The following TFDP1 variants were observed in gnomAD, a reference collection of about 807,000 sequenced individuals.
TFDP1 encodes the protein DRTF1-polypeptide 1.
A neutral mutation model predicts 48.0 loss-of-function variants in TFDP1; 6 were observed. The observed-to-expected ratio is 0.13, with a 90% CI of 0.07 to 0.25. TFDP1 has a LOEUF of 0.25. Ranked by LOEUF, TFDP1 falls within the 10% of genes least tolerant of loss-of-function variation. The probability of loss-of-function intolerance (pLI) is 1.00; values close to 1 mark genes in which losing one functional copy is unlikely to be tolerated. For synonymous variants in TFDP1, 201 were observed against 211.6 expected, an observed-to-expected ratio of 0.95 and a Z score of 0.44; for missense variants, 335 against 543.0, an observed-to-expected ratio of 0.62 and a Z score of 3.81.
intron 4 of TFDP1, among the ~76,000 whole-genome samples, chr13:113,626,300 C>G (rs1213027304): frequency 6.6e-6 from 1 of 152,156 alleles, no homozygotes; most frequent in Non-Finnish European, 1.5e-5. Flanking sequence ...TGACCACATA[C>G]CAGGGATATT....
At chr13:113,588,783 AGT>A (rs1371213572) in intron 2 of TFDP1, among the ~76,000 whole-genome samples, 2 of 146,330 alleles carry the variant, frequency 1.4e-5, no homozygotes, top group African/African-American at 5.2e-5. Flanking sequence ...TTGGACGGAG[AGT>A]GAGTGTGGTA....
intron 2 of TFDP1, among the ~76,000 whole-genome samples, chr13:113,589,798 T>G (rs1355162939): frequency 6.6e-6 from 1 of 151,984 alleles, no homozygotes; most frequent in African/African-American, 2.4e-5. Context: ...GGCCCTTGGG[T>G]GAGGGAGTGT....
intron 10 of TFDP1, among the ~76,000 whole-genome samples, 193 bp downstream of exon 10, chr13:113,636,893 C>T (rs1230102368): frequency 7.2e-5 from 11 of 152,212 alleles, no homozygotes; most frequent in African/African-American, 2.2e-4. Flanking sequence ...CAGCCAGTGC[C>T]GTGACCCACT....
intron 2 of TFDP1, among the ~76,000 whole-genome samples, chr13:113,593,076 T>G (rs1350760036): frequency 4.0e-5 from 6 of 148,596 alleles, no homozygotes; most frequent in African/African-American, 1.5e-4. Flanking sequence ...AGGTGTGGTG[T>G]GCGCGGGTCC....
rs1405195688 is a variant in TFDP1, at chr13:113,633,047, A to G, written c.309-73A>G. On this transcript the variant is annotated intron_variant, in intron 5 of 11. Transcript: ENST00000375370. The surrounding 1 kb of genome is among the most constrained non-coding windows in gnomAD (Gnocchi z 4.5). ...GTGCAGCTCATTAGAGCTCTCAGGT[A>G]AAAGCATTCCTCGATTCAGGCTGAT... The G allele has an allele frequency of 6.3e-7, 1 of 1,584,880 alleles. No individual in the cohort carries two copies. The highest frequency in any genetic ancestry group is 8.6e-7 in the Non-Finnish European group (1 of 1,163,166).
At chr13:113,603,935 T>G (rs1463508354) in intron 2 of TFDP1, among the ~76,000 whole-genome samples, 1 of 152,044 alleles carries the variant, frequency 6.6e-6, no homozygotes, top group Non-Finnish European at 1.5e-5. Context: ...GCGTGGTAGC[T>G]TACACCTGCT....
rs562593428 is a variant in TFDP1, at chr13:113,598,041, A to G, written c.12+12192A>G. On this transcript the variant is annotated intron_variant, in intron 2 of 11. Coordinates refer to ENST00000375370, the MANE Select transcript of TFDP1 (RefSeq NM_007111.5). This position sits in a 1 kb window ranked among gnomAD's most constrained non-coding sequence, Gnocchi z 4.2. Reference sequence around the variant, plus strand: ...TCAAATGCAGCAGTGACTTCATAAGAAAAGGGAGTGGAGCCGCCGACATTT... The same window carrying G: ...TCAAATGCAGCAGTGACTTCATAAGGAAAGGGAGTGGAGCCGCCGACATTT... Among the ~76,000 whole-genome samples, 1 of 152,260 alleles carries G rather than the reference A, an allele frequency of 6.6e-6. No individual in the cohort carries two copies. The highest frequency in any genetic ancestry group is 2.4e-5 in the African/African-American group (1 of 41,544).
intron 2 of TFDP1, among the ~76,000 whole-genome samples, chr13:113,606,208 C>T (rs1289337704): frequency 6.6e-6 from 1 of 150,858 alleles, no homozygotes. Flanking sequence ...GTTGAGTGTC[C>T]GCAGGGGAGC....
chr13:113,586,336 T>C (rs1004748297), intron 2 of TFDP1, among the ~76,000 whole-genome samples: 7 of 152,232 alleles, frequency 4.6e-5, no homozygotes, highest in African/African-American at 1.7e-4. Context: ...AGGACTTGTT[T>C]TGGCCACTTT....
At position 113,586,430 on chromosome 13, in the gene TFDP1, A is replaced by G. The variant is rs146632872; in HGVS notation, c.12+581A>G. ...CCTGCTTTGCAGTTGTCATGAAACT[A>G]TAGAATATTTTGAAAATTTTTTAAA... On this transcript the variant is annotated intron_variant, in intron 2 of 11. Transcript: ENST00000375370. 1.1e-3 allele frequency among the ~76,000 whole-genome samples: 171 copies of G among 152,330 alleles called. 2 individuals carry two copies. In the East Asian group the frequency reaches 0.031, roughly 27 times the overall value.
chr13:113,634,729 G>C (rs1472875192), intron 8 of TFDP1, 127 bp downstream of exon 8: 8 of 716,930 alleles, frequency 1.1e-5, no homozygotes, highest in South Asian at 3.7e-5. Context: ...AAGATTCTGA[G>C]TGTGAGTTCA....
chr13:113,625,968 C>G (rs1215800791), intron 4 of TFDP1, among the ~76,000 whole-genome samples: 1 of 142,014 alleles, frequency 7.0e-6, no homozygotes. Context: ...CCTCAGGCGT[C>G]TCTCACGTGT....
intron 3 of TFDP1, 46 bp downstream of exon 3, chr13:113,611,108 G>T (rs1177556648): frequency 6.6e-7 from 1 of 1,517,178 alleles, no homozygotes; most frequent in African/African-American, 1.4e-5. Context: ...ATGAATGCAT[G>T]AAGCTTCACA....
chr13:113,636,735 T>A (rs755928748), intron 10 of TFDP1, 35 bp downstream of exon 10: 1 of 1,603,266 alleles, frequency 6.2e-7, no homozygotes, highest in Admixed American at 1.7e-5. Flanking sequence ...CGTGGCTGTG[T>A]GAGGAATGGC....
Position 113,636,661 on chromosome 13 carries a change from A to G in TFDP1, c.967A>G (p.Arg323Gly). 1 of 1,614,204 alleles carries G rather than the reference A, an allele frequency of 6.2e-7. No individual in the cohort carries two copies. The highest frequency in any genetic ancestry group is 8.5e-7 in the Non-Finnish European group (1 of 1,180,016). The change falls in exon 10 of 12, where the codon AGA becomes GGA. Residue 323 changes from arginine (R) to glycine (G), a missense_variant. Transcript: ENST00000375370. ...CTCTGCCGAAGACCTTAAAATGGCC[A>G]GAAGTCTGGTCCCCAAGGCTCTGGA... ...SCSAEDLKMA[R>G]SLVPKALEPY...
chr13:113,630,462 G>A (rs1481351257), intron 4 of TFDP1, among the ~76,000 whole-genome samples: 1 of 152,138 alleles, frequency 6.6e-6, no homozygotes, highest in Non-Finnish European at 1.5e-5. Flanking sequence ...CGCAGGTGAT[G>A]CATTTATCCC....
rs187246991 is a variant in TFDP1, at chr13:113,587,122, C to T, written c.12+1273C>T. 3.0e-4 allele frequency among the ~76,000 whole-genome samples: 46 copies of T among 152,198 alleles called. No homozygotes were observed. The East Asian group carries it at 7.9e-3, about 26-fold the overall frequency. Reference sequence around the variant, plus strand: ...TTTGATACATAATGGATGGTGTTTTCGGGGCCCTCTTTCATTCCCCCGTGA... The same window carrying T: ...TTTGATACATAATGGATGGTGTTTTTGGGGCCCTCTTTCATTCCCCCGTGA... On this transcript the variant is annotated intron_variant, in intron 2 of 11. Transcript: ENST00000375370.
intron 2 of TFDP1, among the ~76,000 whole-genome samples, chr13:113,600,602 A>G (rs1347251702): frequency 2.0e-5 from 3 of 150,570 alleles, no homozygotes; most frequent in Non-Finnish European, 4.4e-5. Flanking sequence ...CAGGACCGTG[A>G]GAGAGAATCC....
Position 113,613,587 on chromosome 13 carries a change from A to AGT in TFDP1, c.79+2536_79+2537dup, listed in dbSNP as rs67914818. Among the ~76,000 whole-genome samples the AGT allele has an allele frequency of 3.1e-3, 320 of 104,148 alleles. 13 individuals are homozygous for AGT. Among genetic ancestry groups the AGT allele is most frequent in the African/African-American group, 0.019 (302 of 16,158 alleles). 68.3% of individuals were successfully genotyped at this position (104,148 alleles called of 152,430 possible). ...GTGCATACGAGTGTGTGTGTGCATG[A>AGT]GTGTGTGTGTGTATGCGTGAATGCG... On this transcript the variant is annotated intron_variant, in intron 3 of 11. Transcript: ENST00000375370.
Sources: allele counts gnomAD v4.1 joint callset (sites outside exome capture counted in the v4.1 genomes callset), GRCh38; gene constraint gnomAD v4.1.1; non-coding constraint Gnocchi (gnomAD v3.1); transcripts MANE v1.5; gene names NCBI Gene and HGNC (gene_info 2026-07-23, HGNC 2026-07-21).